The following SPOCK1 variants were observed in gnomAD, a reference collection of about 807,000 sequenced individuals.
SPOCK1 encodes the protein SPARC (osteonectin), cwcv and kazal like domains proteoglycan 1.
SPOCK1 carries 23 observed loss-of-function variants against 55.3 expected under a neutral mutation model. The observed-to-expected ratio is 0.42, with a 90% CI of 0.30 to 0.59. The LOEUF is 0.59. SPOCK1 is among the 20% of genes least tolerant of loss of function. The pLI, the probability that SPOCK1 is intolerant of heterozygous loss-of-function variation, is 0.22. For synonymous variants in SPOCK1, 226 were observed against 221.0 expected (o/e 1.02, Z -0.20); for missense variants, 499 against 552.5 (o/e 0.90, Z 0.97).
intron 2 of SPOCK1, among the ~76,000 whole-genome samples, chr5:137,416,181 A>C (rs987413996): frequency 6.6e-6 from 1 of 151,734 alleles, no homozygotes; most frequent in Admixed American, 6.6e-5. Flanking sequence ...GAAAAAAAAA[A>C]CTGTCAACAT....
At chr5:137,292,426 T>TAAAAAAA (rs753574851) in intron 2 of SPOCK1, among the ~76,000 whole-genome samples, 7 of 38,006 alleles carry the variant, frequency 1.8e-4, no homozygotes, top group East Asian at 8.7e-4. Context: ...CTGGTGTAGT[T>TAAAAAAA]AAAAAAAAAA....
At chr5:137,067,659 C>A (rs1752534502) in intron 6 of SPOCK1, 56 bp downstream of exon 6, 1 of 1,475,754 alleles carries the variant, frequency 6.8e-7, no homozygotes, top group Non-Finnish European at 9.5e-7. Context: ...GCCACATCAA[C>A]CCTCTGTGAC....
chr5:137,064,294 A>G (rs926038829), intron 6 of SPOCK1, among the ~76,000 whole-genome samples: 4 of 152,206 alleles, frequency 2.6e-5, no homozygotes, highest in Non-Finnish European at 5.9e-5. Context: ...GAGTGACTTT[A>G]TGTTTCACCT....
At chr5:137,281,447 T>C (rs1430516710) in intron 2 of SPOCK1, among the ~76,000 whole-genome samples, 1 of 152,230 alleles carries the variant, frequency 6.6e-6, no homozygotes, top group Non-Finnish European at 1.5e-5. Flanking sequence ...AATTAGCCTG[T>C]TTCTGGGATG....
At chr5:137,360,998 A>G (rs1750931870) in intron 2 of SPOCK1, among the ~76,000 whole-genome samples, 2 of 152,180 alleles carry the variant, frequency 1.3e-5, no homozygotes, top group South Asian at 4.1e-4. Context: ...GTGTGATGAT[A>G]TTTGGAGGTG....
chr5:137,200,649 A>G (rs1264455661), intron 3 of SPOCK1, among the ~76,000 whole-genome samples: 1 of 152,078 alleles, frequency 6.6e-6, no homozygotes, highest in Non-Finnish European at 1.5e-5. Context: ...TTCAATTTTA[A>G]TTTTTTTATT....
chr5:137,000,092 C>T (rs947990898), intron 6 of SPOCK1, among the ~76,000 whole-genome samples: 2 of 152,240 alleles, frequency 1.3e-5, no homozygotes, highest in Non-Finnish European at 2.9e-5. Context: ...AACTTTAGTG[C>T]CTCCGAAGGT....
rs140617589 is a variant in SPOCK1, at chr5:137,277,002, G to A, written c.187-9947C>T. 1.8e-3 allele frequency among the ~76,000 whole-genome samples: 281 copies of A among 152,178 alleles called. 1 individual carries two copies. Among genetic ancestry groups the A allele is most frequent in the African/African-American group, 6.4e-3 (264 of 41,526 alleles). On this transcript the variant is annotated intron_variant, in intron 2 of 10. Transcript: ENST00000394945. Reference sequence around the variant, plus strand: ...AATAGTAATATTAATAGTAATCATCGTAATAATAGCAGCTACCACATTTTT... The same window carrying A: ...AATAGTAATATTAATAGTAATCATCATAATAATAGCAGCTACCACATTTTT...
At chr5:137,272,211 T>C (rs1434647) in intron 2 of SPOCK1, among the ~76,000 whole-genome samples, 76,551 of 152,064 alleles carry the variant, frequency 0.5, 19,612 homozygotes, top group African/African-American at 0.58. Flanking sequence ...GTAGCCAAAC[T>C]GCTCTCAAGA....
intron 3 of SPOCK1, among the ~76,000 whole-genome samples, chr5:137,203,573 T>G (rs1040873093): frequency 2.0e-5 from 3 of 152,098 alleles, no homozygotes; most frequent in African/African-American, 4.8e-5. Context: ...CTATTTACAC[T>G]TTTTTTCTTA....
chr5:137,269,961 C>A (rs1355575475), intron 2 of SPOCK1, among the ~76,000 whole-genome samples: 2 of 152,138 alleles, frequency 1.3e-5, no homozygotes, highest in Non-Finnish European at 2.9e-5. Context: ...CATATTGTAT[C>A]TATTTTACAT....
chr5:137,411,109 A>G (rs940864321), intron 2 of SPOCK1, among the ~76,000 whole-genome samples: 21 of 152,146 alleles, frequency 1.4e-4, no homozygotes, highest in Non-Finnish European at 2.5e-4. Flanking sequence ...GCCCCAATGA[A>G]AATACAGTGG....
At chr5:137,038,794 A>G (rs926007078) in intron 6 of SPOCK1, among the ~76,000 whole-genome samples, 1 of 152,174 alleles carries the variant, frequency 6.6e-6, no homozygotes, top group South Asian at 2.1e-4. Flanking sequence ...TTATTTTTAT[A>G]TTTATTAATG....
intron 9 of SPOCK1, among the ~76,000 whole-genome samples, chr5:136,984,588 G>GGGGAACACACATTC (rs1218126024): frequency 6.6e-6 from 1 of 152,170 alleles, no homozygotes; most frequent in Non-Finnish European, 1.5e-5. Flanking sequence ...GTGCATGTTA[G>GGGGAACACACATTC]GGGAACACAC....
At chr5:137,055,361 T>C (rs952534000) in intron 6 of SPOCK1, among the ~76,000 whole-genome samples, 4 of 151,950 alleles carry the variant, frequency 2.6e-5, no homozygotes, top group Non-Finnish European at 4.4e-5. Context: ...TCCTCAATTT[T>C]AGGGCAAAAA....
intron 2 of SPOCK1, among the ~76,000 whole-genome samples, chr5:137,380,682 TACTC>T (rs1751443388): frequency 6.6e-6 from 1 of 152,116 alleles, no homozygotes; most frequent in African/African-American, 2.4e-5. Context: ...CATGAGAATT[TACTC>T]ACTAATTCGA....
In SPOCK1 at chr5:137,013,239, T is replaced by C. The variant is rs139485989; in HGVS notation, c.590-20639A>G. On this transcript the variant is annotated intron_variant, in intron 6 of 10. Transcript: ENST00000394945. ...TTTTAGGTTTTGTTTTGTTTTGTTT[T>C]GTTTTTTGGCCTAAGAACTTGAATG... Among the ~76,000 whole-genome samples the C allele has an allele frequency of 1.7e-3, 207 of 122,390 alleles. 3 individuals carry two copies. The highest frequency in any genetic ancestry group is 0.015 in the Admixed American group (183 of 12,404). 80.3% of individuals were successfully genotyped at this position (122,390 alleles called of 152,430 possible). A position where few individuals can be genotyped will look rare whatever the true frequency, so the allele number is the denominator to read the frequency against.
chr5:137,266,136 T>A (rs901195538), intron 3 of SPOCK1, among the ~76,000 whole-genome samples: 2 of 152,206 alleles, frequency 1.3e-5, no homozygotes, highest in Non-Finnish European at 2.9e-5. Flanking sequence ...CCATGTCACA[T>A]GTCAATGCCT....
chr5:137,108,531 G>C (rs554873221), intron 5 of SPOCK1, among the ~76,000 whole-genome samples: 1 of 152,242 alleles, frequency 6.6e-6, no homozygotes, highest in South Asian at 2.1e-4. Flanking sequence ...ACAGATCACA[G>C]ATACCCAGGC....
Sources: allele counts gnomAD v4.1 joint callset (sites outside exome capture counted in the v4.1 genomes callset), GRCh38; gene constraint gnomAD v4.1.1; transcripts MANE v1.5; gene names NCBI Gene and HGNC (gene_info 2026-07-23, HGNC 2026-07-21).